Variants in APBB2 observed in about 807,000 individuals in gnomAD.
APBB2 encodes Fe65-like 1.
In APBB2, 38 loss-of-function variants were observed where a neutral mutation model predicts 82.5. The ratio of observed to expected loss-of-function variants is 0.46; its 90% CI spans 0.36 to 0.60. The LOEUF is 0.60. APBB2 is among the 20% of genes least tolerant of loss of function. The pLI is 0.00. For missense variants in APBB2, 772 were observed against 972.3 expected (o/e 0.79, Z 2.74); for synonymous variants, 341 against 368.2 (o/e 0.93, Z 0.85).
chr4:40,902,500 G>C (rs1171466143), intron 10 of APBB2, among the ~76,000 whole-genome samples: 1 of 152,152 alleles, frequency 6.6e-6, no homozygotes, highest in African/African-American at 2.4e-5. Context: ...AATGACTTGT[G>C]AAAGTGAGAA....
At chr4:40,910,171 T>TCTCTACTATGGTAGTACA (rs1253485170) in intron 10 of APBB2, among the ~76,000 whole-genome samples, 2 of 151,392 alleles carry the variant, frequency 1.3e-5, no homozygotes, top group African/African-American at 4.9e-5. Flanking sequence ...TTTTACCATG[T>TCTCTACTATGGTAGTACA]TGGCCAGGCT....
chr4:40,930,373 T>C (rs929554842), intron 10 of APBB2, among the ~76,000 whole-genome samples: 5 of 152,002 alleles, frequency 3.3e-5, no homozygotes, highest in African/African-American at 7.3e-5. Flanking sequence ...TTTTGGTAGG[T>C]TCAAAAAACA....
chr4:41,168,524 T>C (rs879535546), intron 1 of APBB2, among the ~76,000 whole-genome samples: 4 of 152,222 alleles, frequency 2.6e-5, no homozygotes, highest in Non-Finnish European at 4.4e-5. Flanking sequence ...TTTTAAATAA[T>C]GGGCTTATAT....
At chr4:41,184,081 T>C (rs1359844588) in intron 1 of APBB2, among the ~76,000 whole-genome samples, 1 of 151,904 alleles carries the variant, frequency 6.6e-6, no homozygotes. Context: ...ATCCCTCACA[T>C]GTGCAGTTCA....
At chr4:40,961,667 TAAAA>T (rs60942744) in intron 6 of APBB2, among the ~76,000 whole-genome samples, 3,380 of 67,902 alleles carry the variant, frequency 0.05, 3 homozygotes, top group African/African-American at 0.062. Flanking sequence ...AAAAAAGATG[TAAAA>T]AAAAAAAAAA....
In APBB2 at chr4:41,013,813, C is replaced by G. The variant is rs1342913439; in HGVS notation, c.605G>C (p.Gly202Ala). 3.1e-6 allele frequency: 5 copies of G among 1,614,058 alleles called. No individual in the cohort carries two copies. The highest frequency in any genetic ancestry group is 1.3e-5 in the African/African-American group (1 of 74,912). Residue 202 changes from glycine to alanine, a missense_variant, in exon 6 of 18, where the codon GGG (glycine) becomes GCG (alanine). Coordinates refer to ENST00000508593, the MANE Select transcript of APBB2 (RefSeq NM_004307.2). Reference protein sequence around the residue: ...PVQGQASTIIGNGDLLLQKPN... With the variant: ...PVQGQASTIIANGDLLLQKPN... ...TTTCTGCAGCAGCAAATCGCCATTC[C>G]CAATGATGGTGGAGGCCTGGCCCTG...
intron 12 of APBB2, among the ~76,000 whole-genome samples, chr4:40,867,519 T>A (rs1416814809): frequency 1.3e-5 from 2 of 152,190 alleles, no homozygotes; most frequent in Non-Finnish European, 1.5e-5. Context: ...CCTGTCTCAT[T>A]CTCCAAATTG....
At chr4:41,069,626 G>C (rs1374736099) in intron 3 of APBB2, among the ~76,000 whole-genome samples, 9 of 152,172 alleles carry the variant, frequency 5.9e-5, no homozygotes, top group Admixed American at 5.2e-4. Context: ...CTACTAACTG[G>C]AACACTCATC....
At chr4:41,045,484 G>A (rs143394803) in intron 4 of APBB2, among the ~76,000 whole-genome samples, 1,724 of 152,042 alleles carry the variant, frequency 0.011, 26 homozygotes, top group African/African-American at 0.04. Context: ...AGTAGAGACG[G>A]GGTTTCACCG....
intron 7 of APBB2, among the ~76,000 whole-genome samples, chr4:40,943,312 C>CT: frequency 1.3e-5 from 2 of 152,266 alleles, no homozygotes; most frequent in South Asian, 4.1e-4. Context: ...CACTCTCTGG[C>CT]TGGGAAGATG....
Position 40,990,680 on chromosome 4 carries a change from G to A in APBB2, c.835+22903C>T, listed in dbSNP as rs144751930. Among the ~76,000 whole-genome samples, 262 of 152,288 alleles carry A rather than the reference G, an allele frequency of 1.7e-3. 1 individual carries two copies. Among genetic ancestry groups the A allele is most frequent in the African/African-American group, 6.1e-3 (254 of 41,558 alleles). Reference sequence around the variant, plus strand: ...CCCAGACCAAATATGCCATTGCACAGGAAGTGGGTGCTGAGTCCAAGTGTG... The same window carrying A: ...CCCAGACCAAATATGCCATTGCACAAGAAGTGGGTGCTGAGTCCAAGTGTG... On this transcript the variant is annotated intron_variant, in intron 6 of 17. Coordinates refer to ENST00000508593, the MANE Select transcript of APBB2 (RefSeq NM_004307.2).
intron 10 of APBB2, among the ~76,000 whole-genome samples, chr4:40,896,135 G>A (rs2154354346): frequency 6.6e-6 from 1 of 151,976 alleles, no homozygotes; most frequent in South Asian, 2.1e-4. Context: ...CATGATCTCA[G>A]CTCACTGCAA....
intron 6 of APBB2, among the ~76,000 whole-genome samples, chr4:40,978,010 AT>A (rs1797608113): frequency 6.6e-6 from 1 of 152,270 alleles, no homozygotes; most frequent in Non-Finnish European, 1.5e-5. Context: ...TCGTGTAAAT[AT>A]AATAGAAATG....
intron 6 of APBB2, among the ~76,000 whole-genome samples, chr4:40,993,178 T>C (rs1353019830): frequency 1.3e-5 from 2 of 152,168 alleles, no homozygotes; most frequent in Admixed American, 6.6e-5. Context: ...GGAGGAAACG[T>C]ATGGTGTTAA....
intron 1 of APBB2, among the ~76,000 whole-genome samples, chr4:41,197,322 T>C: frequency 6.6e-6 from 1 of 152,316 alleles, no homozygotes; most frequent in Non-Finnish European, 1.5e-5. Context: ...ATCACTGAAC[T>C]GAACTAAAAA....
intron 12 of APBB2, among the ~76,000 whole-genome samples, chr4:40,847,762 G>A (rs1036104167): frequency 1.3e-5 from 2 of 151,918 alleles, no homozygotes; most frequent in Non-Finnish European, 2.9e-5. Context: ...AACATGGAAA[G>A]CCAATACATA....
chr4:41,194,836 C>T, intron 1 of APBB2, among the ~76,000 whole-genome samples: 1 of 151,728 alleles, frequency 6.6e-6, no homozygotes, highest in Non-Finnish European at 1.5e-5. Context: ...TACTCACTCA[C>T]TCGTTTTTCT....
intron 1 of APBB2, among the ~76,000 whole-genome samples, chr4:41,156,117 T>C (rs1259456930): frequency 6.6e-6 from 1 of 150,400 alleles, no homozygotes; most frequent in African/African-American, 2.4e-5. Context: ...CTGAACTTTG[T>C]AAAAATTACA....
At chr4:41,066,486 G>C (rs1247845982) in intron 3 of APBB2, among the ~76,000 whole-genome samples, 1 of 152,178 alleles carries the variant, frequency 6.6e-6, no homozygotes, top group Non-Finnish European at 1.5e-5. Context: ...GGGAGGCAAA[G>C]GATGCACACA....
Sources: allele counts gnomAD v4.1 joint callset (sites outside exome capture counted in the v4.1 genomes callset), GRCh38; gene constraint gnomAD v4.1.1; transcripts MANE v1.5; gene names NCBI Gene and HGNC (gene_info 2026-07-23, HGNC 2026-07-21).